The following RHOBTB2 variants were observed in gnomAD, a reference collection of about 807,000 sequenced individuals.
RHOBTB2 encodes rho-related BTB domain-containing protein 2.
RHOBTB2 carries 39 observed loss-of-function variants against 66.5 expected under a neutral mutation model. That is an observed-to-expected ratio of 0.59 (90% CI 0.45 to 0.77). The LOEUF is 0.77. RHOBTB2 is among the 30% of genes least tolerant of loss of function. The pLI is 0.00. For missense variants in RHOBTB2, 755 were observed against 999.1 expected, an observed-to-expected ratio of 0.76 and a Z score of 3.29; for synonymous variants, 390 against 395.0, an observed-to-expected ratio of 0.99 and a Z score of 0.15.
the RHOBTB2 span, among the ~76,000 whole-genome samples, chr8:22,966,390 C>G: frequency 6.6e-6 from 1 of 151,458 alleles, no homozygotes; most frequent in Non-Finnish European, 1.5e-5. Context: ...CTTATGAGAC[C>G]CAACAACAAA....
At chr8:22,988,733 C>A (rs1365888717) in intron 1 of RHOBTB2, among the ~76,000 whole-genome samples, 1 of 152,226 alleles carries the variant, frequency 6.6e-6, no homozygotes, top group Non-Finnish European at 1.5e-5. Flanking sequence ...CACAACCCAG[C>A]CAGGCTGCTG....
chr8:23,007,924 G>T, intron 5 of RHOBTB2, 69 bp from the exon 6 acceptor site: 2 of 1,523,260 alleles, frequency 1.3e-6, no homozygotes, highest in Middle Eastern at 1.7e-4. Context: ...AGGAGGCTCC[G>T]TGGCTCCCCT....
the RHOBTB2 span, among the ~76,000 whole-genome samples, chr8:22,958,265 G>A: frequency 2.0e-5 from 3 of 152,184 alleles, no homozygotes; most frequent in Non-Finnish European, 4.4e-5. Context: ...AAGGAGCTGG[G>A]AAGAAATTTC....
the RHOBTB2 span, among the ~76,000 whole-genome samples, chr8:22,958,802 GAAAAAAAAA>G: frequency 8.8e-4 from 46 of 52,182 alleles, no homozygotes; most frequent in Admixed American, 5.1e-3. Context: ...GCCCCTCTCT[GAAAAAAAAA>G]AAAAAAAAAA....
chr8:23,004,770 G>T lies in RHOBTB2; in HGVS notation c.192+144G>T, dbSNP rs1019461931. 5 of 750,036 alleles carry T rather than the reference G, an allele frequency of 6.7e-6. No individual in the cohort carries two copies. The Admixed American group carries it at 9.8e-5, about 15-fold the overall frequency. The allele number at this position is 750,036 out of a possible 1,614,324, so 46.5% of individuals were successfully genotyped here. A position where few individuals can be genotyped will look rare whatever the true frequency, so the allele number is the denominator to read the frequency against. Reference sequence around the variant, plus strand: ...TGGGTTGGGGGCAGCTGAAGAGGAAGGAGCCCCTGGAGAGAGGTTTAAGCC... The same window carrying T: ...TGGGTTGGGGGCAGCTGAAGAGGAATGAGCCCCTGGAGAGAGGTTTAAGCC... On this transcript the variant is annotated intron_variant, in intron 2 of 9. Transcript: ENST00000251822. The surrounding 1 kb of genome is among the most constrained non-coding windows in gnomAD (Gnocchi z 6.4).
At chr8:22,965,272 C>G in the RHOBTB2 span, among the ~76,000 whole-genome samples, 1 of 152,142 alleles carries the variant, frequency 6.6e-6, no homozygotes, top group South Asian at 2.1e-4. Flanking sequence ...ATTAAGCTAT[C>G]TGACTCAAAA....
chr8:22,995,786 T>A, upstream of RHOBTB2: 1 of 1,472,144 alleles, frequency 6.8e-7, no homozygotes, highest in Non-Finnish European at 9.3e-7. Flanking sequence ...AGCCTGCACA[T>A]GGCAGGGGAT....
At chr8:22,994,525 T>G (rs557631370) in intron 2 of RHOBTB2, 102 of 1,331,080 alleles carry the variant, frequency 7.7e-5, no homozygotes, top group Non-Finnish European at 9.9e-5. Flanking sequence ...CTGTCTCCCC[T>G]GCCCCGCCCC....
chr8:22,980,798 T>G, the RHOBTB2 span, among the ~76,000 whole-genome samples: 3 of 152,226 alleles, frequency 2.0e-5, no homozygotes, highest in Non-Finnish European at 4.4e-5. Flanking sequence ...TCTAACAACT[T>G]TGTGTGATGT....
chr8:22,967,093 C>T, the RHOBTB2 span, among the ~76,000 whole-genome samples: 2 of 152,252 alleles, frequency 1.3e-5, no homozygotes, highest in East Asian at 3.9e-4. Flanking sequence ...CTTAGAGAGA[C>T]CTTTGTAGTA....
rs1020518299 is a variant in RHOBTB2, at chr8:23,004,885, T to C, written c.192+259T>C. 9.1e-6 allele frequency: 5 copies of C among 550,630 alleles called. No homozygotes were observed. The highest frequency in any genetic ancestry group is 3.2e-5 in the East Asian group (1 of 31,598). The allele number at this position is 550,630 out of a possible 1,614,324, so 34.1% of individuals were successfully genotyped here. On this transcript the variant is annotated intron_variant, in intron 2 of 9. Coordinates refer to ENST00000251822, the MANE Select transcript of RHOBTB2 (RefSeq NM_015178.3). The surrounding 1 kb of genome is among the most constrained non-coding windows in gnomAD (Gnocchi z 6.4). ...CTCCATCTTTGTCTGGGGTACCGCA[T>C]TGTATGTAGTCACAGCCTTAAGTAA...
At chr8:22,982,363 G>A in the RHOBTB2 span, among the ~76,000 whole-genome samples, 11 of 152,290 alleles carry the variant, frequency 7.2e-5, no homozygotes, top group East Asian at 1.9e-3. Context: ...GCTCATGCCT[G>A]TAATCCCAGC....
At chr8:22,958,962 CAT>C in the RHOBTB2 span, among the ~76,000 whole-genome samples, 3 of 152,262 alleles carry the variant, frequency 2.0e-5, no homozygotes, top group East Asian at 1.9e-4. Flanking sequence ...GTATGGTAAA[CAT>C]GTGTGTGGCC....
At position 23,006,658 on chromosome 8, in the gene RHOBTB2, A is replaced by T; in HGVS notation, c.483-70A>T. On this transcript the variant is annotated intron_variant, in intron 4 of 9. Transcript: ENST00000251822. The surrounding 1 kb of genome is among the most constrained non-coding windows in gnomAD (Gnocchi z 6.1). ...CCCAGATCCTGAGCAGAGTCCCTCC[A>T]GCCTGTGGAAGAACAGGCAGCCTCC... 6.9e-7 allele frequency: 1 copy of T among 1,459,816 alleles called. No homozygotes were observed. The highest frequency in any genetic ancestry group is 9.4e-7 in the Non-Finnish European group (1 of 1,061,478). 90.4% of individuals were successfully genotyped at this position (1,459,816 alleles called of 1,614,324 possible).
At position 23,004,059 on chromosome 8, in the gene RHOBTB2, AAGG is replaced by A. The variant is rs1476513091; in HGVS notation, c.-10-357_-10-355del. 9 of 316,814 alleles carry A rather than the reference AAGG, an allele frequency of 2.8e-5. No individual in the cohort carries two copies. The highest frequency in any genetic ancestry group is 1.3e-4 in the Admixed American group (3 of 22,942). 19.6% of individuals were successfully genotyped at this position (316,814 alleles called of 1,614,324 possible). A position where few individuals can be genotyped will look rare whatever the true frequency, so the allele number is the denominator to read the frequency against. ...TTCTGCTGCCACTGCTCTGCCGGGG[AAGG>A]AGGAGGAGAGCAGATGAGTGAGCTG... On this transcript the variant is annotated intron_variant, in intron 1 of 9. Transcript: ENST00000251822. The surrounding 1 kb of genome is among the most constrained non-coding windows in gnomAD (Gnocchi z 6.4).
At chr8:22,964,079 C>T in the RHOBTB2 span, among the ~76,000 whole-genome samples, 1 of 152,192 alleles carries the variant, frequency 6.6e-6, no homozygotes, top group Non-Finnish European at 1.5e-5. Flanking sequence ...CCATGCCCAG[C>T]CTCCTGTTTT....
At position 23,004,488 on chromosome 8, in the gene RHOBTB2, T is replaced by C; in HGVS notation, c.54T>C (p.Val18=). Residue 18 remains valine, a synonymous_variant, in exon 2 of 10, where the codon GTT becomes GTC. Coordinates refer to ENST00000251822, the MANE Select transcript of RHOBTB2 (RefSeq NM_015178.3). The surrounding 1 kb of genome is among the most constrained non-coding windows in gnomAD (Gnocchi z 6.4). Reference sequence around the variant, plus strand: ...CAAACGTAGAGACCATCAAGTGCGTTGTGGTGGGGGACAACGCCGTGGGTA... The same window carrying C: ...CAAACGTAGAGACCATCAAGTGCGTCGTGGTGGGGGACAACGCCGTGGGTA... ...ERPNVETIKC[V]VVGDNAVGKT... The C allele has an allele frequency of 6.2e-7, 1 of 1,614,180 alleles. No homozygotes were observed.
chr8:22,960,863 C>A, the RHOBTB2 span, among the ~76,000 whole-genome samples: 1 of 152,138 alleles, frequency 6.6e-6, no homozygotes, highest in Non-Finnish European at 1.5e-5. Flanking sequence ...TAAGACCTTC[C>A]CTGGGCAGTT....
chr8:23,015,742 A>G lies in RHOBTB2; in HGVS notation c.1965A>G (p.Pro655=). 1 of 1,606,040 alleles carries G rather than the reference A, an allele frequency of 6.2e-7. No homozygotes were observed. ...KFPRDMKAMS[P]ENQEYFEKHR... ...CCCGAGACATGAAGGCCATGTCCCCAGGTGAGCATCGGGGCCAGTCCTGGC... is the reference window on the plus strand; with the variant it reads ...CCCGAGACATGAAGGCCATGTCCCCGGGTGAGCATCGGGGCCAGTCCTGGC... The change falls in exon 9 of 10, where the codon CCA becomes CCG. Residue 655 remains proline (P), a splice_region_variant and synonymous_variant. Coordinates refer to ENST00000251822, the MANE Select transcript of RHOBTB2 (RefSeq NM_015178.3).
Sources: gnomAD v4.1 joint callset for allele counts (sites outside exome capture counted in the v4.1 genomes callset) on GRCh38, gnomAD v4.1.1 for gene constraint, Gnocchi (gnomAD v3.1) non-coding constraint, MANE v1.5 for transcripts, NCBI Gene and HGNC (gene_info 2026-07-23, HGNC 2026-07-21) for gene names.